MMP16: variants seen among roughly 807,000 people sequenced by gnomAD.
MMP16 encodes the protein matrix metalloproteinase-16.
In MMP16, 12 loss-of-function variants were observed where a neutral mutation model predicts 67.8. The ratio of observed to expected loss-of-function variants is 0.18; its 90% CI spans 0.11 to 0.29. MMP16 has a LOEUF of 0.29. Ranked by LOEUF, MMP16 falls within the 10% of genes least tolerant of loss-of-function variation. The pLI is 1.00. For synonymous variants in MMP16, 249 were observed against 255.9 expected (o/e 0.97, Z 0.26); for missense variants, 475 against 765.7 (o/e 0.62, Z 4.48).
At chr8:88,288,322 A>G (rs1047681950) in intron 1 of MMP16, among the ~76,000 whole-genome samples, 1 of 152,248 alleles carries the variant, frequency 6.6e-6, no homozygotes, top group Admixed American at 6.5e-5. Context: ...AGCAATTAAC[A>G]TAAACATTTC....
At chr8:88,073,569 T>A (rs1291583707) in intron 7 of MMP16, among the ~76,000 whole-genome samples, 1 of 152,118 alleles carries the variant, frequency 6.6e-6, no homozygotes, top group Non-Finnish European at 1.5e-5. Flanking sequence ...GACTAAACTG[T>A]CTCTTTTCTT....
rs1276270305 is a variant in MMP16, at chr8:88,076,045, C to T, written c.1084-1302G>A. Among the ~76,000 whole-genome samples the T allele has an allele frequency of 4.6e-5, 7 of 151,218 alleles. No individual in the cohort carries two copies. The South Asian group carries it at 1.3e-3, about 27-fold the overall frequency. ...GAACTTTCTTTCACCCAAATGAGTCCGAATATGAACTGTCTTAAGAGCCTT... is the reference window on the plus strand; with the variant it reads ...GAACTTTCTTTCACCCAAATGAGTCTGAATATGAACTGTCTTAAGAGCCTT... On this transcript the variant is annotated intron_variant, in intron 6 of 9. Coordinates refer to ENST00000286614, the MANE Select transcript of MMP16 (RefSeq NM_005941.5).
In MMP16 at chr8:88,222,335, G is replaced by T. The variant is rs868679637; in HGVS notation, c.133-25029C>A. Among the ~76,000 whole-genome samples the T allele has an allele frequency of 8.5e-5, 13 of 152,102 alleles. No individual in the cohort carries two copies. The South Asian group carries it at 2.3e-3, about 27-fold the overall frequency. On this transcript the variant is annotated intron_variant, in intron 1 of 9. Coordinates refer to ENST00000286614, the MANE Select transcript of MMP16 (RefSeq NM_005941.5). ...ACCAATGACTTTCTTTACAGAATTG[G>T]AAAAAACTAGTTTAAAGTTCATATG... is the stretch of plus-strand genomic sequence containing the variant.
intron 1 of MMP16, among the ~76,000 whole-genome samples, chr8:88,283,998 A>C (rs1810783999): frequency 6.6e-6 from 1 of 152,232 alleles, no homozygotes; most frequent in South Asian, 2.1e-4. Context: ...GATAATTGTT[A>C]ACAATGAGTC....
chr8:88,293,704 T>C (rs1305047663), intron 1 of MMP16, among the ~76,000 whole-genome samples: 2 of 152,156 alleles, frequency 1.3e-5, no homozygotes, highest in Admixed American at 1.3e-4. Context: ...AGGTAACTTT[T>C]TTTTAGAAAA....
chr8:88,157,603 C>G (rs1276594466), intron 4 of MMP16, among the ~76,000 whole-genome samples: 1 of 151,808 alleles, frequency 6.6e-6, no homozygotes, highest in Non-Finnish European at 1.5e-5. Flanking sequence ...CTCTATCCCA[C>G]CACAGCGGCA....
chr8:88,149,073 CCTTT>C (rs1324356574), intron 4 of MMP16, among the ~76,000 whole-genome samples: 12 of 152,184 alleles, frequency 7.9e-5, no homozygotes, highest in African/African-American at 2.9e-4. Context: ...CAGGGAGTTC[CCTTT>C]CTGAGTCAAA....
At chr8:88,198,770 A>G (rs1432614655) in intron 1 of MMP16, among the ~76,000 whole-genome samples, 1 of 152,084 alleles carries the variant, frequency 6.6e-6, no homozygotes, top group Non-Finnish European at 1.5e-5. Context: ...CATCACTGTC[A>G]GGAAGGTGTA....
At chr8:88,216,588 C>T (rs1352520732) in intron 1 of MMP16, among the ~76,000 whole-genome samples, 1 of 152,118 alleles carries the variant, frequency 6.6e-6, no homozygotes, top group Admixed American at 6.6e-5. Flanking sequence ...TGGAATAGTG[C>T]CTCTGTCTTT....
chr8:88,091,780 C>T (rs563488274), intron 6 of MMP16, among the ~76,000 whole-genome samples: 1 of 151,848 alleles, frequency 6.6e-6, no homozygotes, highest in Non-Finnish European at 1.5e-5. Flanking sequence ...CCATGTGTAG[C>T]TACTTAAATT....
chr8:88,202,180 T>C (rs1809354209), intron 1 of MMP16, among the ~76,000 whole-genome samples: 1 of 152,178 alleles, frequency 6.6e-6, no homozygotes, highest in Non-Finnish European at 1.5e-5. Flanking sequence ...TAATGGCTTC[T>C]TGAAATGGAA....
intron 8 of MMP16, among the ~76,000 whole-genome samples, chr8:88,053,537 A>C (rs1164140104): frequency 6.6e-6 from 1 of 152,182 alleles, no homozygotes; most frequent in Non-Finnish European, 1.5e-5. Flanking sequence ...AGAAATAGAA[A>C]ACTGCTGACA....
At chr8:88,103,909 GCA>G (rs1283284031) in intron 6 of MMP16, among the ~76,000 whole-genome samples, 1 of 151,684 alleles carries the variant, frequency 6.6e-6, no homozygotes, top group African/African-American at 2.4e-5. Context: ...TGCACAGTGG[GCA>G]CAGATTCTTA....
At chr8:88,146,790 T>TA (rs544861223) in intron 4 of MMP16, among the ~76,000 whole-genome samples, 199 of 145,058 alleles carry the variant, frequency 1.4e-3, no homozygotes, top group Middle Eastern at 3.5e-3. Flanking sequence ...TAAACCAAAA[T>TA]AAAAAAAAAA....
chr8:88,106,676 C>A lies in MMP16; in HGVS notation c.1083+9831G>T, dbSNP rs184104200. On this transcript the variant is annotated intron_variant, in intron 6 of 9. Coordinates refer to ENST00000286614, the MANE Select transcript of MMP16 (RefSeq NM_005941.5). The stretch of plus-strand genomic sequence containing the variant: ...GTCAGAATAATGAATTTAAAAAAAA[C>A]TCACTGTATTTTTAATTTGCATATA... Among the ~76,000 whole-genome samples, 1,383 of 151,200 alleles carry A rather than the reference C, an allele frequency of 9.1e-3. 29 individuals carry two copies. The highest frequency in any genetic ancestry group is 0.031 in the African/African-American group (1,272 of 41,412).
At chr8:88,119,046 G>C (rs936583899) in intron 4 of MMP16, among the ~76,000 whole-genome samples, 185 bp from the exon 5 acceptor site, 4 of 151,888 alleles carry the variant, frequency 2.6e-5, no homozygotes, top group African/African-American at 4.8e-5. Context: ...TTTCAAAAAA[G>C]GGTCAAGGGA....
chr8:88,118,638 AAC>A, intron 5 of MMP16, 60 bp downstream of exon 5: 1 of 1,465,236 alleles, frequency 6.8e-7, no homozygotes, highest in African/African-American at 1.4e-5. Context: ...CAAAGAAGAA[AAC>A]ACAGCAGAAA....
intron 1 of MMP16, among the ~76,000 whole-genome samples, chr8:88,250,510 C>T (rs186872066): frequency 4.2e-4 from 64 of 152,132 alleles, no homozygotes; most frequent in Admixed American, 2.4e-3. Flanking sequence ...GCTCAACTTA[C>T]TATTCTTTGA....
intron 1 of MMP16, among the ~76,000 whole-genome samples, chr8:88,237,378 G>A (rs1253944213): frequency 6.6e-6 from 1 of 152,056 alleles, no homozygotes; most frequent in Non-Finnish European, 1.5e-5. Flanking sequence ...GGCCGGGCGC[G>A]GTGGCTCACG....
Sources: gnomAD v4.1 joint callset for allele counts (sites outside exome capture counted in the v4.1 genomes callset) on GRCh38, gnomAD v4.1.1 for gene constraint, MANE v1.5 for transcripts, NCBI Gene and HGNC (gene_info 2026-07-23, HGNC 2026-07-21) for gene names.